HLF: variants seen among roughly 807,000 people sequenced by gnomAD.
HLF encodes the protein hepatic leukemia factor.
In HLF, 3 loss-of-function variants were observed where a neutral mutation model predicts 22.6. The ratio of observed to expected loss-of-function variants is 0.13; its 90% CI spans 0.06 to 0.34. HLF has a LOEUF of 0.34. Ranked by LOEUF, HLF falls within the 10% of genes least tolerant of loss-of-function variation. The pLI, the probability that HLF is intolerant of heterozygous loss-of-function variation, is 1.00. For synonymous variants in HLF, 151 were observed against 151.8 expected (o/e 0.99, Z 0.04); for missense variants, 299 against 389.2 (o/e 0.77, Z 1.95).
At chr17:55,293,147 C>T (rs1259053051) in intron 2 of HLF, among the ~76,000 whole-genome samples, 1 of 152,126 alleles carries the variant, frequency 6.6e-6, no homozygotes, top group African/African-American at 2.4e-5. Flanking sequence ...TTGAAATGGT[C>T]CCTTCACAAA....
chr17:55,294,197 G>A (rs149701048), intron 2 of HLF, among the ~76,000 whole-genome samples: 53 of 152,344 alleles, frequency 3.5e-4, no homozygotes, highest in African/African-American at 1.3e-3. Flanking sequence ...GTCCATATCA[G>A]TCAAAGCTTC....
chr17:55,297,566 A>G (rs1038315321), intron 2 of HLF, among the ~76,000 whole-genome samples: 9 of 151,716 alleles, frequency 5.9e-5, no homozygotes, highest in Non-Finnish European at 1.3e-4. Context: ...TGCCTGCCTG[A>G]AAAAAATTTC....
At chr17:55,272,964 G>A (rs749461239) in intron 2 of HLF, 1 of 152,334 alleles carries the variant, frequency 6.6e-6, no homozygotes, top group Non-Finnish European at 1.5e-5. Flanking sequence ...GAGTCTGCAT[G>A]GTTCTGGAGA....
rs907763736 is a variant in HLF, at chr17:55,266,813, C to A, written c.116-938C>A. On this transcript the variant is annotated intron_variant, in intron 1 of 3. Coordinates refer to ENST00000226067, the MANE Select transcript of HLF (RefSeq NM_002126.5). The stretch of plus-strand genomic sequence containing the variant: ...ACTGAATACTAGAATTGGCAAGATC[C>A]GGAATGCTTGTTAAAGACCTAATGG... 1.4e-5 allele frequency: 14 copies of A among 984,974 alleles called. 2 individuals are homozygous for A. 61.0% of individuals were successfully genotyped at this position (984,974 alleles called of 1,614,324 possible).
At chr17:55,287,833 G>T (rs182134913) in intron 2 of HLF, among the ~76,000 whole-genome samples, 1 of 152,338 alleles carries the variant, frequency 6.6e-6, no homozygotes, top group East Asian at 1.9e-4. Context: ...GTGGGGACTG[G>T]CTTTTATCTC....
chr17:55,324,544 G>C lies in HLF; in HGVS notation c.*3665G>C, dbSNP rs986319295. ...CATGGGACCAGGCCTGCTTGCCTAT[G>C]TGTGATGGCAATTGGAGATCTGGAT... On this transcript the variant is annotated 3_prime_UTR_variant, in exon 4 of 4. Transcript: ENST00000226067. 2.0e-4 allele frequency: 47 copies of C among 232,348 alleles called. No homozygotes were observed. In the East Asian group the frequency reaches 2.8e-3, roughly 14 times the overall value. The allele number at this position is 232,348 out of a possible 1,614,324, so 14.4% of individuals were successfully genotyped here. A position where few individuals can be genotyped will look rare whatever the true frequency, so the allele number is the denominator to read the frequency against.
chr17:55,307,532 T>TTTTTAA (rs1904637582), intron 2 of HLF, among the ~76,000 whole-genome samples: 1 of 152,070 alleles, frequency 6.6e-6, no homozygotes, highest in African/African-American at 2.4e-5. Flanking sequence ...AAAAATAACA[T>TTTTTAA]TTTTAATTTC....
intron 2 of HLF, among the ~76,000 whole-genome samples, chr17:55,305,160 T>C (rs1904485495): frequency 1.3e-5 from 2 of 152,214 alleles, no homozygotes; most frequent in South Asian, 4.2e-4. Context: ...CGGGAATCCT[T>C]ACCCTTCTCC....
intron 3 of HLF, among the ~76,000 whole-genome samples, chr17:55,318,253 C>T (rs1254545600): frequency 6.6e-6 from 1 of 152,196 alleles, no homozygotes; most frequent in East Asian, 1.9e-4. Context: ...TCTGCGATAA[C>T]AAAGGGAGGC....
chr17:55,296,497 A>G (rs192335560), intron 2 of HLF, among the ~76,000 whole-genome samples: 2 of 152,294 alleles, frequency 1.3e-5, no homozygotes, highest in East Asian at 3.9e-4. Context: ...GTATGGAAAT[A>G]TGGAAATATA....
At chr17:55,274,243 G>A (rs192302679) in intron 2 of HLF, among the ~76,000 whole-genome samples, 51 of 152,202 alleles carry the variant, frequency 3.4e-4, no homozygotes, top group Middle Eastern at 3.4e-3. Flanking sequence ...CTTTTACCCA[G>A]GAATCATTTT....
chr17:55,290,551 G>A (rs1285984521), intron 2 of HLF, among the ~76,000 whole-genome samples: 2 of 152,146 alleles, frequency 1.3e-5, no homozygotes, highest in Non-Finnish European at 2.9e-5. Flanking sequence ...CTTCATAAAT[G>A]TTACGTATGT....
chr17:55,277,024 A>G (rs1176216471), intron 2 of HLF, among the ~76,000 whole-genome samples: 1 of 152,154 alleles, frequency 6.6e-6, no homozygotes, highest in Non-Finnish European at 1.5e-5. Context: ...AAAACCCATA[A>G]TTTTGGTGAT....
At chr17:55,312,334 T>C (rs999751114) in intron 2 of HLF, among the ~76,000 whole-genome samples, 7 of 152,234 alleles carry the variant, frequency 4.6e-5, no homozygotes, top group African/African-American at 1.7e-4. Flanking sequence ...ATCTGTTATT[T>C]CTTGACTTTT....
Position 55,265,901 on chromosome 17 carries a change from C to T in HLF, c.115+302C>T, listed in dbSNP as rs2080783180. ...TAACTTGACAGGTCAGGATCGTTCC[C>T]TAGAACGAGGCACACCCGCACGCAG... On this transcript the variant is annotated intron_variant, in intron 1 of 3. Transcript: ENST00000226067. The T allele has an allele frequency of 6.3e-6, 7 of 1,113,800 alleles. No individual in the cohort carries two copies. The South Asian group carries it at 1.9e-4, about 30-fold the overall frequency. The allele number at this position is 1,113,800 out of a possible 1,614,324, so 69.0% of individuals were successfully genotyped here. A position where few individuals can be genotyped will look rare whatever the true frequency, so the allele number is the denominator to read the frequency against.
chr17:55,273,098 G>A (rs1489936465), intron 2 of HLF: 1 of 152,006 alleles, frequency 6.6e-6, no homozygotes, highest in African/African-American at 2.4e-5. Flanking sequence ...TTTTGGGTAT[G>A]TCTGGAAAGC....
At chr17:55,266,775 G>C in intron 1 of HLF, 1 of 980,954 alleles carries the variant, frequency 1.0e-6, no homozygotes, top group South Asian at 4.7e-5. Context: ...CTTAATCCCA[G>C]ATTCCACCCA....
At chr17:55,316,679 C>G (rs1345524670) in intron 3 of HLF, among the ~76,000 whole-genome samples, 1 of 152,204 alleles carries the variant, frequency 6.6e-6, no homozygotes, top group Non-Finnish European at 1.5e-5. Flanking sequence ...TAGCCTGGCT[C>G]CCAGGTTGTC....
intron 2 of HLF, among the ~76,000 whole-genome samples, chr17:55,304,756 T>A (rs1194077603): frequency 2.0e-5 from 3 of 152,142 alleles, no homozygotes; most frequent in African/African-American, 7.2e-5. Context: ...ACTCTCCACC[T>A]ACCAAGGGGC....
Sources: gnomAD v4.1 joint callset for allele counts (sites outside exome capture counted in the v4.1 genomes callset) on GRCh38, gnomAD v4.1.1 for gene constraint, MANE v1.5 for transcripts, NCBI Gene and HGNC (gene_info 2026-07-23, HGNC 2026-07-21) for gene names.